LRP1B: variants seen among roughly 807,000 people sequenced by gnomAD.
LRP1B encodes the protein LDL receptor related protein 1B, also known as low-density lipoprotein receptor-related protein 1B.
In LRP1B, 217 loss-of-function variants were observed where a neutral mutation model predicts 556.6. The observed-to-expected ratio is 0.39, with a 90% CI of 0.35 to 0.44. The LOEUF (loss-of-function observed/expected upper bound fraction) is 0.44. Among genes scored for constraint, LRP1B ranks in the 20% least tolerant of loss-of-function variants. LRP1B has a pLI of 1.00. For synonymous variants in LRP1B, 2,047 were observed against 1,865.8 expected, an observed-to-expected ratio of 1.10 and a Z score of -2.50; for missense variants, 5,053 against 5,620.8, an observed-to-expected ratio of 0.90 and a Z score of 3.23.
At chr2:141,275,909 C>CATATATATAT (rs35525716) in intron 3 of LRP1B, among the ~76,000 whole-genome samples, 3 of 150,038 alleles carry the variant, frequency 2.0e-5, no homozygotes, top group African/African-American at 2.4e-5. Flanking sequence ...ATGTAATGTA[C>CATATATATAT]ATATATATAT....
At chr2:141,487,637 G>A (rs1574003528) in intron 2 of LRP1B, among the ~76,000 whole-genome samples, 1 of 152,024 alleles carries the variant, frequency 6.6e-6, no homozygotes, top group Non-Finnish European at 1.5e-5. Context: ...TTCATTCACT[G>A]TCATCTTTCA....
At chr2:140,563,354 ATTC>A (rs1681006632) in intron 43 of LRP1B, among the ~76,000 whole-genome samples, 1 of 152,198 alleles carries the variant, frequency 6.6e-6, no homozygotes, top group African/African-American at 2.4e-5. Flanking sequence ...TTTCTATTTC[ATTC>A]TTCTATTGCT....
chr2:141,364,418 AC>A (rs1479530623), intron 3 of LRP1B, among the ~76,000 whole-genome samples: 5 of 150,742 alleles, frequency 3.3e-5, no homozygotes, highest in Admixed American at 3.3e-4. Context: ...CATAACACAC[AC>A]ACACACACAT....
At chr2:141,134,132 T>C (rs1221537637) in intron 7 of LRP1B, among the ~76,000 whole-genome samples, 1 of 151,738 alleles carries the variant, frequency 6.6e-6, no homozygotes. Flanking sequence ...CCAGTCATCT[T>C]GCTCTACTCA....
chr2:140,732,297 T>C (rs1169573593), intron 35 of LRP1B, among the ~76,000 whole-genome samples: 1 of 152,178 alleles, frequency 6.6e-6, no homozygotes, highest in African/African-American at 2.4e-5. Flanking sequence ...ACTTTTATGA[T>C]AGTAAAATAT....
intron 2 of LRP1B, among the ~76,000 whole-genome samples, chr2:141,548,641 C>A (rs1348710650): frequency 6.6e-6 from 1 of 152,118 alleles, no homozygotes; most frequent in Non-Finnish European, 1.5e-5. Context: ...TGGTACATGA[C>A]CCAAGACTTG....
intron 2 of LRP1B, among the ~76,000 whole-genome samples, chr2:141,734,890 G>C (rs955419340): frequency 7.9e-5 from 12 of 152,122 alleles, no homozygotes; most frequent in African/African-American, 2.9e-4. Flanking sequence ...GAAAAGAAAG[G>C]ATGCTAACTT....
intron 32 of LRP1B, among the ~76,000 whole-genome samples, chr2:140,803,555 C>T (rs1419792684): frequency 3.9e-5 from 6 of 151,964 alleles, no homozygotes; most frequent in African/African-American, 1.2e-4. Context: ...GCCTTGGCCT[C>T]CCAAAGTGCT....
intron 41 of LRP1B, among the ~76,000 whole-genome samples, chr2:140,658,156 G>C (rs186027697): frequency 2.6e-5 from 4 of 151,810 alleles, no homozygotes; most frequent in African/African-American, 9.7e-5. Flanking sequence ...AATTTCAGTT[G>C]GTTAACATTG....
At chr2:141,923,403 CTATATATATA>C (rs61682272) in intron 1 of LRP1B, among the ~76,000 whole-genome samples, 7 of 102,110 alleles carry the variant, frequency 6.9e-5, no homozygotes, top group African/African-American at 2.8e-4. Flanking sequence ...ATCTCTGTCA[CTATATATATA>C]TATATATATA....
chr2:141,433,730 G>A (rs1055697897), intron 3 of LRP1B, among the ~76,000 whole-genome samples: 25 of 151,674 alleles, frequency 1.6e-4, no homozygotes, highest in Admixed American at 1.4e-3. Context: ...ATGACTATAT[G>A]TCTGAGCGTG....
intron 1 of LRP1B, among the ~76,000 whole-genome samples, chr2:141,989,669 T>C (rs546917028): frequency 1.4e-4 from 22 of 151,992 alleles, no homozygotes; most frequent in Non-Finnish European, 2.8e-4. Context: ...CATTCTGTTC[T>C]TGTGGTAGTG....
Position 141,341,801 on chromosome 2 carries a change from A to T in LRP1B, c.344-87160T>A, listed in dbSNP as rs192355058. Among the ~76,000 whole-genome samples the T allele has an allele frequency of 1.6e-4, 24 of 152,268 alleles. No homozygotes were observed. In the East Asian group the frequency reaches 4.4e-3, roughly 28 times the overall value. On this transcript the variant is annotated intron_variant, in intron 3 of 90. Coordinates refer to ENST00000389484, the MANE Select transcript of LRP1B (RefSeq NM_018557.3). ...GATGTCAGCATCATAAGATGGAAAGATCTTGGCCCTGAGTCATTATTTAAA... is the reference window on the plus strand; with the variant it reads ...GATGTCAGCATCATAAGATGGAAAGTTCTTGGCCCTGAGTCATTATTTAAA...
intron 1 of LRP1B, among the ~76,000 whole-genome samples, chr2:141,937,624 T>C (rs745672689): frequency 1.3e-5 from 2 of 151,350 alleles, no homozygotes; most frequent in Non-Finnish European, 1.5e-5. Flanking sequence ...CTAAAATTTA[T>C]ATTAAAGTGC....
chr2:141,994,486 A>G (rs1000922531), intron 1 of LRP1B, among the ~76,000 whole-genome samples: 28 of 152,118 alleles, frequency 1.8e-4, no homozygotes, highest in African/African-American at 6.5e-4. Flanking sequence ...TCTAGATCTT[A>G]TATTAAATAT....
intron 1 of LRP1B, among the ~76,000 whole-genome samples, chr2:142,058,852 CTCTA>C (rs1704785873): frequency 1.3e-5 from 2 of 152,066 alleles, no homozygotes; most frequent in South Asian, 4.1e-4. Context: ...AATATCAATC[CTCTA>C]TCTACAAATT....
At chr2:141,679,245 A>T (rs1691017490) in intron 2 of LRP1B, among the ~76,000 whole-genome samples, 2 of 152,160 alleles carry the variant, frequency 1.3e-5, no homozygotes, top group South Asian at 4.2e-4. Context: ...AGCCCCAGCT[A>T]ACACCTTAAT....
chr2:141,515,529 G>A (rs1684281500), intron 2 of LRP1B, among the ~76,000 whole-genome samples: 1 of 150,148 alleles, frequency 6.7e-6, no homozygotes, highest in Admixed American at 6.7e-5. Flanking sequence ...ACTTAAAATT[G>A]CAAAATACTA....
chr2:141,723,257 C>CT (rs146344945), intron 2 of LRP1B, among the ~76,000 whole-genome samples: 3,456 of 130,754 alleles, frequency 0.026, 111 homozygotes, highest in African/African-American at 0.075. Flanking sequence ...CATATTGTTT[C>CT]TTTTGTTTTT....
Sources: allele counts gnomAD v4.1 joint callset (sites outside exome capture counted in the v4.1 genomes callset), GRCh38; gene constraint gnomAD v4.1.1; transcripts MANE v1.5; gene names NCBI Gene and HGNC (gene_info 2026-07-23, HGNC 2026-07-21).